Variants in SNX6 observed in about 807,000 individuals in gnomAD.
SNX6 encodes the protein sorting nexin-6.
A neutral mutation model predicts 63.0 loss-of-function variants in SNX6; 34 were observed. The observed-to-expected ratio is 0.54, with a 90% CI of 0.41 to 0.72. The LOEUF is 0.72. Ranked by LOEUF, SNX6 falls within the 30% of genes least tolerant of loss-of-function variation. The pLI, the probability that SNX6 is intolerant of heterozygous loss-of-function variation, is 0.00. For synonymous variants in SNX6, 170 were observed against 164.2 expected, an observed-to-expected ratio of 1.04 and a Z score of -0.27; for missense variants, 398 against 471.4, an observed-to-expected ratio of 0.84 and a Z score of 1.44.
chr14:34,567,168 G>A (rs979871173), intron 13 of SNX6, among the ~76,000 whole-genome samples: 3 of 151,540 alleles, frequency 2.0e-5, no homozygotes, highest in African/African-American at 7.3e-5. Flanking sequence ...AGGTTGCGGA[G>A]GTCTCAAAAC....
intron 11 of SNX6, among the ~76,000 whole-genome samples, chr14:34,575,186 C>A (rs1199493546): frequency 6.9e-6 from 1 of 145,424 alleles, no homozygotes; most frequent in South Asian, 2.2e-4. Context: ...AGCCACCACC[C>A]CTGGCCTCAA....
At chr14:34,564,553 C>T (rs1179040836) in intron 13 of SNX6, among the ~76,000 whole-genome samples, 1 of 151,974 alleles carries the variant, frequency 6.6e-6, no homozygotes, top group Non-Finnish European at 1.5e-5. Flanking sequence ...TCTGGCCAGG[C>T]GCGGTGGTTC....
At chr14:34,597,378 G>A (rs1882646636) in intron 7 of SNX6, among the ~76,000 whole-genome samples, 172 bp downstream of exon 7, 1 of 152,142 alleles carries the variant, frequency 6.6e-6, no homozygotes, top group South Asian at 2.1e-4. Flanking sequence ...TTGCAGAAGG[G>A]AACGCTCTAA....
At chr14:34,615,731 C>T (rs1689674531) in intron 2 of SNX6, among the ~76,000 whole-genome samples, 2 of 151,976 alleles carry the variant, frequency 1.3e-5, no homozygotes, top group Admixed American at 6.6e-5. Context: ...CCTCCGTCCT[C>T]GGCCTCCCAA....
At chr14:34,563,283 G>A in intron 13 of SNX6, 108 bp from the exon 14 acceptor site, 1 of 1,085,338 alleles carries the variant, frequency 9.2e-7, no homozygotes, top group Non-Finnish European at 1.3e-6. Context: ...TAGAAGCCGG[G>A]CGCGGTGGCT....
intron 13 of SNX6, among the ~76,000 whole-genome samples, chr14:34,563,733 A>C (rs1881037992): frequency 2.2e-5 from 1 of 45,824 alleles, no homozygotes; most frequent in Non-Finnish European, 5.8e-5. Context: ...TTCTTCAGTA[A>C]ATTTTTTTTC....
At chr14:34,573,417 A>G (rs1314925542) in intron 11 of SNX6, among the ~76,000 whole-genome samples, 1 of 152,058 alleles carries the variant, frequency 6.6e-6, no homozygotes, top group Non-Finnish European at 1.5e-5. Context: ...TCTACTAAAA[A>G]TACAAAAATT....
chr14:34,577,865 T>A (rs1454238267), intron 10 of SNX6, among the ~76,000 whole-genome samples: 1 of 152,162 alleles, frequency 6.6e-6, no homozygotes, highest in African/African-American at 2.4e-5. Context: ...GGACACAGAA[T>A]GAAGACAGAC....
chr14:34,591,335 G>A (rs1254807497), intron 8 of SNX6, among the ~76,000 whole-genome samples: 1 of 152,104 alleles, frequency 6.6e-6, no homozygotes, highest in African/African-American at 2.4e-5. Flanking sequence ...TTGGTCCAAT[G>A]AATTATGCAG....
intron 13 of SNX6, among the ~76,000 whole-genome samples, chr14:34,567,459 G>C (rs532771195): frequency 3.5e-4 from 53 of 152,252 alleles, no homozygotes; most frequent in Admixed American, 6.6e-4. Context: ...CTGCACTCCA[G>C]CCTGGGCAAT....
At chr14:34,566,480 T>C (rs895693511) in intron 13 of SNX6, among the ~76,000 whole-genome samples, 2 of 151,918 alleles carry the variant, frequency 1.3e-5, no homozygotes, top group South Asian at 2.1e-4. Flanking sequence ...TCCCAAAGTG[T>C]TGGGATTACA....
At chr14:34,628,571 G>A (rs1883917714) in intron 2 of SNX6, among the ~76,000 whole-genome samples, 1 of 152,178 alleles carries the variant, frequency 6.6e-6, no homozygotes, top group African/African-American at 2.4e-5. Flanking sequence ...CAAGGCTGCA[G>A]TGAGCTATAA....
chr14:34,564,028 T>G (rs551767810), intron 13 of SNX6, among the ~76,000 whole-genome samples: 1 of 151,922 alleles, frequency 6.6e-6, no homozygotes, highest in African/African-American at 2.4e-5. Context: ...CGTGAGCCAC[T>G]GCGCTGGCCT....
At chr14:34,599,863 C>T (rs979310268) in intron 6 of SNX6, among the ~76,000 whole-genome samples, 6 of 151,858 alleles carry the variant, frequency 4.0e-5, no homozygotes, top group Admixed American at 6.6e-5. Context: ...TTTCTGACTC[C>T]GACATGTTCC....
At chr14:34,619,359 T>C (rs1048914685) in intron 2 of SNX6, among the ~76,000 whole-genome samples, 3 of 151,672 alleles carry the variant, frequency 2.0e-5, no homozygotes, top group Non-Finnish European at 4.4e-5. Context: ...GAGGTGGAGG[T>C]TGCAGTGAGC....
intron 10 of SNX6, among the ~76,000 whole-genome samples, chr14:34,580,920 T>G (rs1245672635): frequency 6.6e-6 from 1 of 151,550 alleles, no homozygotes; most frequent in Non-Finnish European, 1.5e-5. Flanking sequence ...CCTCCCAAAG[T>G]GCTGGGATTA....
chr14:34,601,403 T>A (rs1163210215), intron 6 of SNX6, among the ~76,000 whole-genome samples: 1 of 151,612 alleles, frequency 6.6e-6, no homozygotes, highest in Non-Finnish European at 1.5e-5. Flanking sequence ...TTTTTGTATT[T>A]TAAGTAGAGA....
At chr14:34,629,004 C>A (rs1026866471) in intron 2 of SNX6, among the ~76,000 whole-genome samples, 2 of 151,988 alleles carry the variant, frequency 1.3e-5, no homozygotes, top group Non-Finnish European at 2.9e-5. Flanking sequence ...ATGCAACTAA[C>A]CTCAGAACAC....
Position 34,562,729 on chromosome 14 carries a change from AT to A in SNX6, c.*392del, listed in dbSNP as rs3840829. 43,371 of 168,734 alleles carry A rather than the reference AT, an allele frequency of 0.26. 7,032 individuals are homozygous for A. Among genetic ancestry groups the A allele is most frequent in the Non-Finnish European group, 0.37 (29,223 of 79,144 alleles). 10.5% of individuals were successfully genotyped at this position (168,734 alleles called of 1,614,324 possible). On this transcript the variant is annotated 3_prime_UTR_variant, in exon 14 of 14. Coordinates refer to ENST00000362031, the MANE Select transcript of SNX6 (RefSeq NM_152233.4). ...AAATTTAAAAAATTCAAAAAAGGCA[AT>A]CTTTATCTTGTTTCAACAATGCATT...
Sources: gnomAD v4.1 joint callset for allele counts (sites outside exome capture counted in the v4.1 genomes callset) on GRCh38, gnomAD v4.1.1 for gene constraint, MANE v1.5 for transcripts, NCBI Gene and HGNC (gene_info 2026-07-23, HGNC 2026-07-21) for gene names.